The following ERC2 variants were observed in gnomAD, a reference collection of about 807,000 sequenced individuals.
ERC2 encodes ELKS/RAB6-interacting/CAST family member 2.
A neutral mutation model predicts 114.8 loss-of-function variants in ERC2; 42 were observed. That is an observed-to-expected ratio of 0.37 (90% CI 0.29 to 0.47). The LOEUF is 0.47. Among genes scored for constraint, ERC2 ranks in the 20% least tolerant of loss-of-function variants. The pLI, the probability that ERC2 is intolerant of heterozygous loss-of-function variation, is 0.99. For synonymous variants in ERC2, 454 were observed against 425.5 expected, an observed-to-expected ratio of 1.07 and a Z score of -0.82; for missense variants, 939 against 1,150.7, an observed-to-expected ratio of 0.82 and a Z score of 2.66.
intron 2 of ERC2, among the ~76,000 whole-genome samples, chr3:56,405,281 T>C (rs2060671180): frequency 6.6e-6 from 1 of 152,036 alleles, no homozygotes; most frequent in African/African-American, 2.4e-5. Flanking sequence ...TTATCTCTAC[T>C]AAAAATACAA....
intron 7 of ERC2, among the ~76,000 whole-genome samples, chr3:56,071,392 T>C (rs914497828): frequency 2.0e-5 from 3 of 152,346 alleles, no homozygotes; most frequent in Non-Finnish European, 4.4e-5. Flanking sequence ...GTACTCTATA[T>C]CTTGAGTGGA....
intron 1 of ERC2, among the ~76,000 whole-genome samples, chr3:56,435,550 A>G (rs1453677147): frequency 1.3e-5 from 2 of 152,212 alleles, no homozygotes; most frequent in African/African-American, 4.8e-5. Context: ...TAACCCCTAT[A>G]TGCATGTGAC....
At chr3:56,193,097 G>A (rs72871533) in intron 3 of ERC2, among the ~76,000 whole-genome samples, 12,300 of 152,046 alleles carry the variant, frequency 0.081, 682 homozygotes, top group Admixed American at 0.15. Flanking sequence ...AATGATGTTG[G>A]GAAAGAAAAT....
chr3:56,435,208 A>G (rs1448175974), intron 1 of ERC2, 61 bp from the exon 2 acceptor site: 3 of 534,802 alleles, frequency 5.6e-6, no homozygotes, highest in Non-Finnish European at 9.9e-6. Context: ...ACTGCATTGT[A>G]TTTTTAAATA....
chr3:56,249,786 C>T (rs1243871280), intron 3 of ERC2, among the ~76,000 whole-genome samples: 2 of 151,130 alleles, frequency 1.3e-5, no homozygotes. Flanking sequence ...TATGTATTAA[C>T]TAAGATTAGT....
At chr3:55,714,659 G>GTATATATATA (rs1559538570) in intron 15 of ERC2, among the ~76,000 whole-genome samples, 2 of 70,846 alleles carry the variant, frequency 2.8e-5, no homozygotes, top group South Asian at 4.5e-4. Flanking sequence ...GTGTGTGTGT[G>GTATATATATA]TGTGTGTGTA....
chr3:55,707,759 G>A (rs1373928439), intron 15 of ERC2, among the ~76,000 whole-genome samples: 1 of 152,238 alleles, frequency 6.6e-6, no homozygotes, highest in African/African-American at 2.4e-5. Flanking sequence ...GATGCAGGCA[G>A]GGGTGGGGAT....
At chr3:55,685,330 G>T (rs1431160628) in intron 16 of ERC2, among the ~76,000 whole-genome samples, 1 of 152,156 alleles carries the variant, frequency 6.6e-6, no homozygotes, top group Non-Finnish European at 1.5e-5. Flanking sequence ...GCTTAGGTAG[G>T]AATATTCTGG....
chr3:56,294,008 C>A (rs1280684790), intron 3 of ERC2, among the ~76,000 whole-genome samples: 1 of 152,096 alleles, frequency 6.6e-6, no homozygotes, highest in African/African-American at 2.4e-5. Flanking sequence ...AGCCTTGCTG[C>A]CCCTTGGCAT....
chr3:55,708,794 TGAA>T lies in ERC2; in HGVS notation c.2713-9285_2713-9283del, dbSNP rs555429616. Among the ~76,000 whole-genome samples, 36 of 146,980 alleles carry T rather than the reference TGAA, an allele frequency of 2.4e-4. No individual in the cohort carries two copies. In the South Asian group the frequency reaches 6.0e-3, roughly 25 times the overall value. ...GTGGAAGAAGAAAGGTGGGAGAGAA[TGAA>T]GGAGACTGGGAATAAATAAAGGAAG... On this transcript the variant is annotated intron_variant, in intron 15 of 17. Transcript: ENST00000288221.
intron 17 of ERC2, among the ~76,000 whole-genome samples, chr3:55,678,027 G>A (rs938407845): frequency 1.3e-5 from 2 of 152,208 alleles, no homozygotes; most frequent in Non-Finnish European, 2.9e-5. Context: ...GGATATTCAA[G>A]TTGAAGCTCT....
At chr3:55,922,799 C>A (rs1282900128) in intron 13 of ERC2, among the ~76,000 whole-genome samples, 1 of 152,080 alleles carries the variant, frequency 6.6e-6, no homozygotes, top group Non-Finnish European at 1.5e-5. Flanking sequence ...AAAGGAAACA[C>A]AATAAGCACA....
chr3:56,153,796 C>T (rs568211258), intron 4 of ERC2, among the ~76,000 whole-genome samples: 5 of 152,142 alleles, frequency 3.3e-5, no homozygotes, highest in African/African-American at 4.8e-5. Context: ...CTGAGTGTCA[C>T]AATGTGCTTT....
intron 3 of ERC2, among the ~76,000 whole-genome samples, chr3:56,222,834 C>T (rs1036693493): frequency 4.6e-5 from 7 of 152,224 alleles, no homozygotes; most frequent in Non-Finnish European, 7.3e-5. Flanking sequence ...CTCCTGGCCA[C>T]GACATGTGAA....
intron 12 of ERC2, among the ~76,000 whole-genome samples, chr3:55,976,910 G>A (rs538822988): frequency 6.6e-6 from 1 of 152,272 alleles, no homozygotes; most frequent in African/African-American, 2.4e-5. Context: ...GAGGAGGTGG[G>A]GCCTTTTGGG....
At chr3:56,436,807 A>T (rs765804944) in intron 1 of ERC2, among the ~76,000 whole-genome samples, 6 of 152,232 alleles carry the variant, frequency 3.9e-5, no homozygotes, top group Non-Finnish European at 8.8e-5. Context: ...AGCTGTGAGT[A>T]CTTCAATGTG....
chr3:55,829,710 G>GT (rs962686891), intron 14 of ERC2, among the ~76,000 whole-genome samples: 2 of 151,982 alleles, frequency 1.3e-5, no homozygotes, highest in African/African-American at 4.8e-5. Flanking sequence ...TGTAAAGATG[G>GT]TGTCTCACTA....
chr3:56,034,931 G>A (rs934578658), intron 7 of ERC2, among the ~76,000 whole-genome samples: 3 of 151,408 alleles, frequency 2.0e-5, no homozygotes, highest in Non-Finnish European at 4.4e-5. Flanking sequence ...AAATAAGAAC[G>A]AACAAACCCA....
At chr3:56,078,795 C>T (rs1406544385) in intron 7 of ERC2, among the ~76,000 whole-genome samples, 1 of 151,046 alleles carries the variant, frequency 6.6e-6, no homozygotes, top group African/African-American at 2.4e-5. Context: ...AAAAGTCTGC[C>T]TTTTTGGAAT....
Sources: allele counts gnomAD v4.1 joint callset (sites outside exome capture counted in the v4.1 genomes callset), GRCh38; gene constraint gnomAD v4.1.1; transcripts MANE v1.5; gene names NCBI Gene and HGNC (gene_info 2026-07-23, HGNC 2026-07-21).